Variants in SPOCK3 observed in about 807,000 individuals in gnomAD.
SPOCK3 encodes testican-3.
A neutral mutation model predicts 56.6 loss-of-function variants in SPOCK3; 30 were observed. The observed-to-expected ratio is 0.53, with a 90% CI of 0.40 to 0.72. The LOEUF (loss-of-function observed/expected upper bound fraction) is 0.72. SPOCK3 is among the 30% of genes least tolerant of loss of function. SPOCK3 has a pLI of 0.00. For synonymous variants in SPOCK3, 196 were observed against 183.3 expected (o/e 1.07, Z -0.56); for missense variants, 527 against 530.0 (o/e 0.99, Z 0.06).
chr4:167,041,930 A>G (rs1481887236), intron 3 of SPOCK3, among the ~76,000 whole-genome samples: 1 of 152,316 alleles, frequency 6.6e-6, no homozygotes, highest in African/African-American at 2.4e-5. Context: ...GGTAAAATGT[A>G]AATTATAAAT....
At chr4:167,123,899 C>T (rs1322684759) in intron 2 of SPOCK3, among the ~76,000 whole-genome samples, 1 of 151,898 alleles carries the variant, frequency 6.6e-6, no homozygotes, top group Non-Finnish European at 1.5e-5. Context: ...GTGCATACTG[C>T]CACGCCTGGC....
chr4:167,092,010 G>A (rs1297401549), intron 2 of SPOCK3, among the ~76,000 whole-genome samples: 1 of 152,104 alleles, frequency 6.6e-6, no homozygotes, highest in Non-Finnish European at 1.5e-5. Flanking sequence ...GCAAGATGGC[G>A]GAATAGGAAC....
chr4:167,028,504 A>G (rs550270890), intron 3 of SPOCK3, among the ~76,000 whole-genome samples: 33 of 152,152 alleles, frequency 2.2e-4, no homozygotes, highest in African/African-American at 7.9e-4. Flanking sequence ...GGAGCTACAG[A>G]CTTGAGGGCC....
intron 2 of SPOCK3, among the ~76,000 whole-genome samples, chr4:167,228,516 T>C (rs1278430202): frequency 6.6e-6 from 1 of 152,140 alleles, no homozygotes; most frequent in African/African-American, 2.4e-5. Context: ...CTAGCTAAGA[T>C]TCCCTTCAGA....
intron 4 of SPOCK3, among the ~76,000 whole-genome samples, chr4:166,965,581 T>C (rs997857645): frequency 2.6e-5 from 4 of 152,140 alleles, no homozygotes; most frequent in African/African-American, 7.2e-5. Flanking sequence ...TTGTGGAATG[T>C]GTAATTTTTC....
intron 4 of SPOCK3, among the ~76,000 whole-genome samples, chr4:166,969,139 G>A (rs1316307490): frequency 6.6e-6 from 1 of 152,128 alleles, no homozygotes; most frequent in Non-Finnish European, 1.5e-5. Flanking sequence ...ATTATATCTT[G>A]GAAGTAATTA....
chr4:166,843,415 A>G (rs1194244696), intron 6 of SPOCK3, among the ~76,000 whole-genome samples: 3 of 152,354 alleles, frequency 2.0e-5, no homozygotes, highest in Middle Eastern at 3.4e-3. Flanking sequence ...TAATCAGCTG[A>G]CTGTGAGTTA....
chr4:167,017,415 G>A (rs796136301), intron 3 of SPOCK3, among the ~76,000 whole-genome samples: 2 of 152,096 alleles, frequency 1.3e-5, no homozygotes, highest in Non-Finnish European at 2.9e-5. Context: ...AGAGCCACTA[G>A]GGCTTGGCAT....
At chr4:167,227,844 C>T (rs1326805856) in intron 2 of SPOCK3, among the ~76,000 whole-genome samples, 1 of 152,104 alleles carries the variant, frequency 6.6e-6, no homozygotes, top group African/African-American at 2.4e-5. Flanking sequence ...ACCCCAAAGT[C>T]TTACTGTCAG....
chr4:167,110,078 C>G (rs1199578531), intron 2 of SPOCK3, among the ~76,000 whole-genome samples: 1 of 152,002 alleles, frequency 6.6e-6, no homozygotes, highest in East Asian at 1.9e-4. Flanking sequence ...TCTAACCCTC[C>G]TTGGGGTCTG....
chr4:166,928,785 T>C (rs2149992213), intron 4 of SPOCK3, among the ~76,000 whole-genome samples: 1 of 152,128 alleles, frequency 6.6e-6, no homozygotes. Flanking sequence ...CTGGCCAACA[T>C]GGTGAAGCCC....
intron 3 of SPOCK3, among the ~76,000 whole-genome samples, chr4:167,032,271 G>C (rs1414047535): frequency 2.0e-5 from 3 of 151,932 alleles, no homozygotes; most frequent in Non-Finnish European, 2.9e-5. Context: ...AAGATGCTCA[G>C]TTAATATCAA....
intron 5 of SPOCK3, among the ~76,000 whole-genome samples, chr4:166,902,645 ATAT>A (rs1440483847): frequency 2.1e-5 from 3 of 143,238 alleles, no homozygotes; most frequent in African/African-American, 8.8e-5. Flanking sequence ...ATATTTACAT[ATAT>A]TATAGCTTAT....
intron 2 of SPOCK3, among the ~76,000 whole-genome samples, chr4:167,099,738 A>G (rs1456689649): frequency 6.6e-6 from 1 of 152,104 alleles, no homozygotes; most frequent in African/African-American, 2.4e-5. Context: ...TTAAAAGAAC[A>G]CTGGGTTGGC....
At chr4:166,833,144 C>T (rs1746260105) in intron 6 of SPOCK3, among the ~76,000 whole-genome samples, 1 of 152,090 alleles carries the variant, frequency 6.6e-6, no homozygotes, top group East Asian at 1.9e-4. Context: ...CCACTTTAAT[C>T]CATGGCTTAT....
chr4:167,032,837 T>C (rs999782569), intron 3 of SPOCK3, among the ~76,000 whole-genome samples: 1 of 151,974 alleles, frequency 6.6e-6, no homozygotes, highest in Middle Eastern at 3.2e-3. Flanking sequence ...CTGAAAAACA[T>C]ACTAAAGAGC....
At chr4:167,147,049 T>C (rs1256307653) in intron 2 of SPOCK3, among the ~76,000 whole-genome samples, 2 of 151,904 alleles carry the variant, frequency 1.3e-5, no homozygotes, top group Admixed American at 6.6e-5. Context: ...ATCAAAAAAA[T>C]TGATAGACCA....
Position 167,000,465 on chromosome 4 carries a change from TA to T in SPOCK3, c.236-3del, listed in dbSNP as rs771331099. 34 of 1,498,052 alleles carry T rather than the reference TA, an allele frequency of 2.3e-5. No homozygotes were observed. The highest frequency in any genetic ancestry group is 6.9e-5 in the East Asian group (3 of 43,568). The allele number at this position is 1,498,052 out of a possible 1,614,324, so 92.8% of individuals were successfully genotyped here. On this transcript the variant is annotated splice_region_variant and splice_polypyrimidine_tract_variant and intron_variant, in intron 3 of 10. Transcript: ENST00000357545. ...ATGGATCCTTAGCTGGATCTAAAGCTAAAAAAATTGCAAAGAAAATATTAAA... is the reference window on the plus strand; with the variant it reads ...ATGGATCCTTAGCTGGATCTAAAGCTAAAAAATTGCAAAGAAAATATTAAA...
chr4:166,851,173 C>A (rs1481326953), intron 6 of SPOCK3, among the ~76,000 whole-genome samples: 1 of 152,204 alleles, frequency 6.6e-6, no homozygotes, highest in East Asian at 1.9e-4. Flanking sequence ...GACCCCCGAG[C>A]AGCCTAACTG....
Sources: gnomAD v4.1 joint callset for allele counts (sites outside exome capture counted in the v4.1 genomes callset) on GRCh38, gnomAD v4.1.1 for gene constraint, MANE v1.5 for transcripts, NCBI Gene and HGNC (gene_info 2026-07-23, HGNC 2026-07-21) for gene names.